Variants in CCDC171 observed in about 807,000 individuals in gnomAD.
The protein encoded by CCDC171 is coiled-coil domain containing 171.
A neutral mutation model predicts 168.2 loss-of-function variants in CCDC171; 177 were observed. The ratio of observed to expected loss-of-function variants is 1.05; its 90% CI spans 0.93 to 1.19. CCDC171 has a LOEUF of 1.19. CCDC171 is among the 50% of genes most tolerant of loss of function. The pLI is 0.00. For missense variants in CCDC171, 1,991 were observed against 1,539.0 expected, an observed-to-expected ratio of 1.29 and a Z score of -4.91; for synonymous variants, 687 against 540.8, an observed-to-expected ratio of 1.27 and a Z score of -3.75.
chr9:15,901,298 A>G (rs1821624577), intron 24 of CCDC171, among the ~76,000 whole-genome samples: 1 of 152,182 alleles, frequency 6.6e-6, no homozygotes, highest in Non-Finnish European at 1.5e-5. Context: ...TGTAAAACCC[A>G]TAGAATGTCC....
chr9:15,650,407 G>GA (rs999898131), intron 7 of CCDC171, among the ~76,000 whole-genome samples: 18 of 151,544 alleles, frequency 1.2e-4, no homozygotes, highest in African/African-American at 4.1e-4. Flanking sequence ...ATAAAAAAAA[G>GA]AAAAAAAATA....
upstream of CCDC171, among the ~76,000 whole-genome samples, chr9:16,041,410 A>C (rs1489672171): frequency 6.6e-6 from 1 of 152,188 alleles, no homozygotes; most frequent in Non-Finnish European, 1.5e-5. Flanking sequence ...GCAGGAGAAA[A>C]GGAAGTTTAG....
At chr9:15,920,485 G>A (rs1475895653) in intron 25 of CCDC171, 63 bp downstream of exon 25, 4 of 1,165,828 alleles carry the variant, frequency 3.4e-6, no homozygotes, top group Non-Finnish European at 4.9e-6. Flanking sequence ...TTACATTTAT[G>A]TTTTTAATGT....
chr9:15,654,573 C>G (rs144018246), intron 7 of CCDC171, among the ~76,000 whole-genome samples: 1 of 152,062 alleles, frequency 6.6e-6, no homozygotes, highest in Non-Finnish European at 1.5e-5. Context: ...CATTGTGATC[C>G]ATTACCATCT....
intron 9 of CCDC171, among the ~76,000 whole-genome samples, chr9:15,666,857 C>G (rs1302489745): frequency 6.6e-6 from 1 of 152,128 alleles, no homozygotes; most frequent in African/African-American, 2.4e-5. Flanking sequence ...TTGACATTTT[C>G]TCAAACTACA....
chr9:15,915,213 G>A (rs1824323082), intron 24 of CCDC171, among the ~76,000 whole-genome samples: 1 of 152,040 alleles, frequency 6.6e-6, no homozygotes, highest in Non-Finnish European at 1.5e-5. Flanking sequence ...AGATTGCTTT[G>A]GGCAATATGG....
upstream of CCDC171, among the ~76,000 whole-genome samples, chr9:16,041,431 T>C (rs192113846): frequency 1.3e-5 from 2 of 152,318 alleles, no homozygotes; most frequent in East Asian, 3.9e-4. Context: ...GTGGGAAAGA[T>C]AGACTGAGGC....
chr9:15,916,939 A>G (rs1392290841), intron 24 of CCDC171, among the ~76,000 whole-genome samples: 2 of 151,998 alleles, frequency 1.3e-5, no homozygotes, highest in African/African-American at 2.4e-5. Context: ...GCCAAGGATG[A>G]CAACAGGATA....
At chr9:15,633,800 T>TTAAG (rs1171958885) in intron 7 of CCDC171, among the ~76,000 whole-genome samples, 2 of 152,066 alleles carry the variant, frequency 1.3e-5, no homozygotes, top group African/African-American at 4.8e-5. Flanking sequence ...ATAGACTGGA[T>TTAAG]TAAGAAAATG....
At chr9:15,803,676 A>T (rs564252335) in intron 21 of CCDC171, among the ~76,000 whole-genome samples, 1 of 152,196 alleles carries the variant, frequency 6.6e-6, no homozygotes, top group South Asian at 2.1e-4. Context: ...CCTGTAGTAT[A>T]GTTTGAAGTC....
At chr9:15,634,842 C>G (rs896985864) in intron 7 of CCDC171, among the ~76,000 whole-genome samples, 2 of 152,184 alleles carry the variant, frequency 1.3e-5, no homozygotes, top group Non-Finnish European at 2.9e-5. Context: ...CCACTACTTT[C>G]TGTCTTTATA....
chr9:15,816,785 A>G lies in CCDC171; in HGVS notation c.3268-29917A>G. The stretch of plus-strand genomic sequence containing the variant: ...ATTGCTATTAAGCAGTTATTAAGAT[A>G]ATTTAATAACCTTTTTTAATGAACC... On this transcript the variant is annotated intron_variant, in intron 21 of 25. Transcript: ENST00000380701. Among the ~76,000 whole-genome samples, 2 of 118,910 alleles carry G rather than the reference A, an allele frequency of 1.7e-5. 1 individual carries two copies. The highest frequency in any genetic ancestry group is 3.8e-5 in the Non-Finnish European group (2 of 52,700). The allele number at this position is 118,910 out of a possible 152,430, so 78.0% of individuals were successfully genotyped here. A position where few individuals can be genotyped will look rare whatever the true frequency, so the allele number is the denominator to read the frequency against.
chr9:15,767,931 C>T (rs1461991077), intron 18 of CCDC171, among the ~76,000 whole-genome samples: 1 of 146,998 alleles, frequency 6.8e-6, no homozygotes, highest in African/African-American at 2.5e-5. Flanking sequence ...GAAGGGGTTT[C>T]TCCATGTTGT....
At chr9:15,803,696 G>C (rs1001504153) in intron 21 of CCDC171, among the ~76,000 whole-genome samples, 3 of 152,020 alleles carry the variant, frequency 2.0e-5, no homozygotes, top group African/African-American at 7.2e-5. Flanking sequence ...CAGGTAGCAT[G>C]ATACCTCCAG....
At chr9:15,633,515 C>G (rs1021840747) in intron 7 of CCDC171, among the ~76,000 whole-genome samples, 1 of 152,110 alleles carries the variant, frequency 6.6e-6, no homozygotes, top group Non-Finnish European at 1.5e-5. Flanking sequence ...ATTAAAAAGT[C>G]AGGAAACAAC....
the CCDC171 span, among the ~76,000 whole-genome samples, chr9:16,087,261 C>T: frequency 2.6e-5 from 4 of 152,156 alleles, no homozygotes; most frequent in Non-Finnish European, 5.9e-5. Context: ...TGGTCCAGAG[C>T]TGAGTTCAAA....
At chr9:16,012,996 A>C (rs1832910735) in intron 3 of CCDC171, among the ~76,000 whole-genome samples, 1 of 152,148 alleles carries the variant, frequency 6.6e-6, no homozygotes, top group South Asian at 2.1e-4. Flanking sequence ...TCTCAAGCTG[A>C]AGTCTGACAC....
intron 21 of CCDC171, among the ~76,000 whole-genome samples, chr9:15,813,375 C>T (rs2059435880): frequency 6.6e-6 from 1 of 152,164 alleles, no homozygotes; most frequent in East Asian, 1.9e-4. Flanking sequence ...GACAACTAAA[C>T]ACCAGTCAGG....
At chr9:16,092,750 GCAAGATTCACCCTA>G in the CCDC171 span, among the ~76,000 whole-genome samples, 1 of 152,166 alleles carries the variant, frequency 6.6e-6, no homozygotes, top group African/African-American at 2.4e-5. Context: ...CTCACCTTTG[GCAAGATTCACCCTA>G]CAAGAGATCT....
Sources: allele counts gnomAD v4.1 joint callset (sites outside exome capture counted in the v4.1 genomes callset), GRCh38; gene constraint gnomAD v4.1.1; transcripts MANE v1.5; gene names NCBI Gene and HGNC (gene_info 2026-07-23, HGNC 2026-07-21).